C16orf96: variants seen among roughly 807,000 people sequenced by gnomAD.
C16orf96 encodes uncharacterized protein C16orf96.
A neutral mutation model predicts 103.6 loss-of-function variants in C16orf96; 108 were observed. The observed-to-expected ratio is 1.04, with a 90% CI of 0.89 to 1.22. The LOEUF (loss-of-function observed/expected upper bound fraction) is 1.22, where lower values mean the gene tolerates loss of function less well. Ranked by LOEUF, C16orf96 falls within the 50% of genes most tolerant of loss-of-function variation. C16orf96 has a pLI of 0.00. For synonymous variants in C16orf96, 566 were observed against 593.5 expected (o/e 0.95, Z 0.67); for missense variants, 1,586 against 1,464.2 (o/e 1.08, Z -1.36).
intron 7 of C16orf96, among the ~76,000 whole-genome samples, chr16:4,581,359 C>T (rs771655734): frequency 1.8e-3 from 267 of 147,398 alleles, no homozygotes; most frequent in Non-Finnish European, 4.7e-4. Context: ...AAGGGCCAGG[C>T]GCGGTGGCTC....
At position 4,556,422 on chromosome 16, in the gene C16orf96, C is replaced by T; in HGVS notation, c.-68C>T. On this transcript the variant is annotated 5_prime_UTR_variant, in exon 1 of 16. Transcript: ENST00000444310. ...GGACCAGTCCATGTAGCTCTCGGAA[C>T]CACTGAAAGCTACCCCTTGTCCTTG... The T allele has an allele frequency of 2.8e-6, 4 of 1,436,498 alleles. No homozygotes were observed. Among genetic ancestry groups the T allele is most frequent in the Non-Finnish European group, 3.7e-6 (4 of 1,081,694 alleles). The allele number at this position is 1,436,498 out of a possible 1,614,324, so 89.0% of individuals were successfully genotyped here.
chr16:4,583,719 T>G (rs1896845885), intron 7 of C16orf96, among the ~76,000 whole-genome samples: 1 of 151,844 alleles, frequency 6.6e-6, no homozygotes, highest in Admixed American at 6.6e-5. Context: ...GGTCAGGAGT[T>G]TGAAACCAGT....
chr16:4,588,095 G>T (rs1180331800), intron 8 of C16orf96, 72 bp from the exon 9 acceptor site: 8 of 1,466,764 alleles, frequency 5.5e-6, no homozygotes, highest in Non-Finnish European at 7.4e-6. Flanking sequence ...AGACCCAAGG[G>T]GTGTGATGTC....
chr16:4,590,104 C>T (rs949066457), intron 9 of C16orf96, among the ~76,000 whole-genome samples: 2 of 151,146 alleles, frequency 1.3e-5, no homozygotes, highest in Admixed American at 6.6e-5. Context: ...CCAGCCTGGG[C>T]GACAGAGCAA....
At chr16:4,541,850 A>G in the C16orf96 span, among the ~76,000 whole-genome samples, 2 of 152,160 alleles carry the variant, frequency 1.3e-5, no homozygotes, top group Admixed American at 1.3e-4. Flanking sequence ...AAACAGAAAC[A>G]CCTATAAACA....
the C16orf96 span, among the ~76,000 whole-genome samples, chr16:4,541,112 C>T: frequency 6.6e-6 from 1 of 152,008 alleles, no homozygotes; most frequent in Non-Finnish European, 1.5e-5. Flanking sequence ...CTGAGTTTCA[C>T]TATGTTGGTC....
Position 4,576,293 on chromosome 16 carries a change from G to T in C16orf96, c.1813G>T (p.Ala605Ser), listed in dbSNP as rs1001557653. 1.3e-6 allele frequency: 2 copies of T among 1,550,678 alleles called. No homozygotes were observed. The highest frequency in any genetic ancestry group is 2.7e-5 in the African/African-American group (2 of 73,064). ...FVKDAPATKM[A>S]AIATDTAAAG... is the part of the protein sequence containing the mutation. ...CAAGGATGCCCCAGCCACCAAAATG[G>T]CCGCCATTGCAACAGACACGGCTGC... The change falls in exon 5 of 16, where the codon GCC becomes TCC. Residue 605 changes from alanine (A) to serine (S), a missense_variant. By Grantham distance (99) the Ala-to-Ser change is moderately conservative (BLOSUM62 1). Transcript: ENST00000444310.
Position 4,575,396 on chromosome 16 carries a change from C to G in C16orf96, c.916C>G (p.Pro306Ala), listed in dbSNP as rs2059490790. The change falls in exon 5 of 16, where the codon CCA (proline) becomes GCA (alanine). Residue 306 changes from proline to alanine, a missense_variant. By Grantham distance (27) the Pro-to-Ala change is conservative. Coordinates refer to ENST00000444310, the MANE Select transcript of C16orf96 (RefSeq NM_001145011.2). Reference sequence around the variant, plus strand: ...AGTTTCACTCAGCAGAGCCCAGGAGCCAGCGCAGCCTCCGGCCCTCACGCC... The same window carrying G: ...AGTTTCACTCAGCAGAGCCCAGGAGGCAGCGCAGCCTCCGGCCCTCACGCC... Reference protein sequence around the residue: ...QAVSLSRAQEPAQPPALTPES... With the variant: ...QAVSLSRAQEAAQPPALTPES... 6.4e-7 allele frequency: 1 copy of G among 1,550,628 alleles called. No homozygotes were observed. The highest frequency in any genetic ancestry group is 8.7e-7 in the Non-Finnish European group (1 of 1,146,890).
intron 1 of C16orf96, among the ~76,000 whole-genome samples, chr16:4,569,685 G>A (rs1245789568): frequency 7.3e-6 from 1 of 137,254 alleles, no homozygotes; most frequent in African/African-American, 2.6e-5. Context: ...AGGTGACAGA[G>A]TGAGACTCTG....
chr16:4,579,205 G>T (rs980387266), intron 6 of C16orf96, among the ~76,000 whole-genome samples, 180 bp downstream of exon 6: 1 of 2,448 alleles, frequency 4.1e-4, no homozygotes, highest in Non-Finnish European at 0.017. Context: ...CTGGTGCGGT[G>T]GGGGGGCCCA....
Position 4,575,318 on chromosome 16 carries a change from G to A in C16orf96, c.838G>A (p.Val280Ile). 6.4e-7 allele frequency: 1 copy of A among 1,551,310 alleles called. No individual in the cohort carries two copies. Among genetic ancestry groups the A allele is most frequent in the Non-Finnish European group, 8.7e-7 (1 of 1,146,998 alleles). ...PVQNPQLLQT[V>I]WHYEVPELLP... Reference sequence around the variant, plus strand: ...CCAAAACCCCCAGCTACTGCAGACTGTCTGGCATTATGAGGTCCCAGAGCT... The same window carrying A: ...CCAAAACCCCCAGCTACTGCAGACTATCTGGCATTATGAGGTCCCAGAGCT... Residue 280 changes from valine to isoleucine, a missense_variant, in exon 5 of 16, where the codon GTC becomes ATC. By Grantham distance (29) the Val-to-Ile change is conservative. Coordinates refer to ENST00000444310, the MANE Select transcript of C16orf96 (RefSeq NM_001145011.2).
At chr16:4,585,918 T>C (rs1224129053) in intron 7 of C16orf96, among the ~76,000 whole-genome samples, 1 of 152,120 alleles carries the variant, frequency 6.6e-6, no homozygotes, top group African/African-American at 2.4e-5. Flanking sequence ...CCGAGCAGGA[T>C]AATGGACACA....
intron 7 of C16orf96, among the ~76,000 whole-genome samples, 185 bp downstream of exon 7, chr16:4,580,310 A>ACACCCCCCCC (rs1555506247): frequency 9.6e-6 from 1 of 104,506 alleles, no homozygotes. Context: ...GAATCCCACC[A>ACACCCCCCCC]CCCCCCCCCA....
rs139610232 is a variant in C16orf96, at chr16:4,578,457, T to A, written c.2156-483T>A. On this transcript the variant is annotated intron_variant, in intron 5 of 15. Coordinates refer to ENST00000444310, the MANE Select transcript of C16orf96 (RefSeq NM_001145011.2). ...TGCACCTGATAAAAAAAATTTTTTT[T>A]AATTAATTTAAAAACTAATAGGCCG... Among the ~76,000 whole-genome samples the A allele has an allele frequency of 2.4e-3, 365 of 152,226 alleles. 1 individual carries two copies. Among genetic ancestry groups the A allele is most frequent in the African/African-American group, 7.2e-3 (299 of 41,538 alleles).
upstream of C16orf96, among the ~76,000 whole-genome samples, chr16:4,551,855 C>T (rs961345730): frequency 6.6e-6 from 1 of 152,148 alleles, no homozygotes; most frequent in African/African-American, 2.4e-5. Context: ...AACCCATCAT[C>T]TAGGTTTTAA....
In C16orf96 at chr16:4,556,633, C is replaced by T. The variant is rs370914489; in HGVS notation, c.144C>T (p.Gly48=). 3.5e-5 allele frequency: 54 copies of T among 1,551,706 alleles called. No individual in the cohort carries two copies. The African/African-American group carries it at 3.8e-4, about 11-fold the overall frequency. Residue 48 remains glycine (G), a synonymous_variant, in exon 1 of 16, where the codon GGC becomes GGT. Coordinates refer to ENST00000444310, the MANE Select transcript of C16orf96 (RefSeq NM_001145011.2). Reference sequence around the variant, plus strand: ...CCGAGCTCAAGAAAGTCCTCTCAGGCGATGAGGACTTCCTGCAGACCTCGC... The same window carrying T: ...CCGAGCTCAAGAAAGTCCTCTCAGGTGATGAGGACTTCCTGCAGACCTCGC... ...HMAELKKVLS[G]DEDFLQTSQV...
intron 13 of C16orf96, 31 bp downstream of exon 13, chr16:4,594,541 G>T (rs776564802): frequency 7.8e-6 from 12 of 1,547,172 alleles, no homozygotes; most frequent in Non-Finnish European, 9.6e-6. Context: ...CTTCTCAGAG[G>T]GTGGACGTCA....
chr16:4,556,129 C>G (rs1352556000), upstream of C16orf96, among the ~76,000 whole-genome samples: 2 of 152,132 alleles, frequency 1.3e-5, no homozygotes, highest in Non-Finnish European at 2.9e-5. Flanking sequence ...ATATGTGCTT[C>G]TAGGAAAAAG....
At chr16:4,547,547 A>C in the C16orf96 span, among the ~76,000 whole-genome samples, 1 of 152,130 alleles carries the variant, frequency 6.6e-6, no homozygotes, top group African/African-American at 2.4e-5. Context: ...AGTTCAGGCG[A>C]AATGGGAGGT....
Sources: gnomAD v4.1 joint callset for allele counts (sites outside exome capture counted in the v4.1 genomes callset) on GRCh38, gnomAD v4.1.1 for gene constraint, MANE v1.5 for transcripts, NCBI Gene and HGNC (gene_info 2026-07-23, HGNC 2026-07-21) for gene names.